CNTNAP5: variants seen among roughly 807,000 people sequenced by gnomAD.
CNTNAP5 encodes the protein contactin associated protein family member 5.
A neutral mutation model predicts 150.2 loss-of-function variants in CNTNAP5; 72 were observed. The observed-to-expected ratio is 0.48, with a 90% confidence interval of 0.40 to 0.58. CNTNAP5 has a LOEUF of 0.58. Ranked by LOEUF, CNTNAP5 falls within the 20% of genes least tolerant of loss-of-function variation. The pLI is 0.00. For synonymous variants in CNTNAP5, 672 were observed against 619.8 expected, an observed-to-expected ratio of 1.08 and a Z score of -1.25; for missense variants, 1,636 against 1,626.2, an observed-to-expected ratio of 1.01 and a Z score of -0.10.
chr2:124,564,197 G>T (rs1182133761), intron 11 of CNTNAP5, among the ~76,000 whole-genome samples: 2 of 152,142 alleles, frequency 1.3e-5, no homozygotes, highest in African/African-American at 4.8e-5. Context: ...TGGAAAATTG[G>T]AATTTTCAAA....
In CNTNAP5 at chr2:124,914,116, T is replaced by C; in HGVS notation, c.3752T>C (p.Ile1251Thr). Residue 1251 changes from isoleucine to threonine, a missense_variant, in exon 24 of 24, where the codon ATC becomes ACC. Transcript: ENST00000682447. Reference protein sequence around the residue: ...IGGVIAVVIFIIFCIIGIMTR... With the variant: ...IGGVIAVVIFTIFCIIGIMTR... ...GGGGTGATAGCAGTGGTGATATTCA[T>C]CATCTTCTGTATCATCGGCATCATG... The C allele has an allele frequency of 6.2e-7, 1 of 1,612,222 alleles. No homozygotes were observed. Among genetic ancestry groups the C allele is most frequent in the Non-Finnish European group, 8.5e-7 (1 of 1,178,758 alleles).
intron 3 of CNTNAP5, among the ~76,000 whole-genome samples, chr2:124,270,706 T>C (rs1449285139): frequency 2.0e-5 from 3 of 152,132 alleles, no homozygotes; most frequent in Non-Finnish European, 4.4e-5. Flanking sequence ...CGTGCATGTG[T>C]GTGTGTGTGT....
intron 3 of CNTNAP5, among the ~76,000 whole-genome samples, chr2:124,249,224 A>C (rs1687107736): frequency 6.6e-6 from 1 of 152,134 alleles, no homozygotes; most frequent in Non-Finnish European, 1.5e-5. Context: ...AGAAAATAAA[A>C]ATGTTTTACC....
At chr2:124,417,084 C>T (rs1691937907) in intron 3 of CNTNAP5, among the ~76,000 whole-genome samples, 1 of 151,600 alleles carries the variant, frequency 6.6e-6, no homozygotes, top group Non-Finnish European at 1.5e-5. Context: ...ATTACAGGCA[C>T]ACACCACCAT....
rs377071120 is a variant in CNTNAP5 at position 124,470,103 on chromosome 2, G to A, written c.919-4636G>A. On this transcript the variant is annotated intron_variant, in intron 6 of 23. Transcript: ENST00000682447. ...TGGGTATATACCCAGTAATTAAATT[G>A]CTGATTCAAAGACCCATCTGCCTCT... is the stretch of plus-strand genomic sequence containing the variant. Among the ~76,000 whole-genome samples the A allele has an allele frequency of 2.6e-5, 4 of 152,198 alleles. No homozygotes were observed. The East Asian group carries it at 7.7e-4, about 29-fold the overall frequency.
chr2:124,577,647 T>G (rs753626496), intron 11 of CNTNAP5, among the ~76,000 whole-genome samples: 54 of 152,212 alleles, frequency 3.5e-4, no homozygotes, highest in Non-Finnish European at 5.7e-4. Flanking sequence ...AAGAAAATAA[T>G]GCAAGATTGT....
At chr2:124,881,024 G>A (rs976493975) in intron 21 of CNTNAP5, among the ~76,000 whole-genome samples, 2 of 152,076 alleles carry the variant, frequency 1.3e-5, no homozygotes, top group African/African-American at 4.8e-5. Context: ...CCATCTGAGA[G>A]GGTTTCATAC....
In CNTNAP5 at chr2:124,915,094, G is replaced by A. The variant is rs938141121; in HGVS notation, c.*806G>A. 5.5e-5 allele frequency: 9 copies of A among 163,054 alleles called. No homozygotes were observed. Among genetic ancestry groups the A allele is most frequent in the Non-Finnish European group, 1.0e-4 (7 of 67,954 alleles). The allele number at this position is 163,054 out of a possible 1,614,324, so 10.1% of individuals were successfully genotyped here. A position where few individuals can be genotyped will look rare whatever the true frequency, so the allele number is the denominator to read the frequency against. The stretch of plus-strand genomic sequence containing the variant: ...CAAAATGCCTCCTCCAATTTTGTAA[G>A]AATGCTAGCTAGGTATTCCTGGGAT... On this transcript the variant is annotated 3_prime_UTR_variant, in exon 24 of 24. Transcript: ENST00000682447.
At chr2:124,239,290 C>A (rs1196111786) in intron 2 of CNTNAP5, among the ~76,000 whole-genome samples, 1 of 151,856 alleles carries the variant, frequency 6.6e-6, no homozygotes, top group Admixed American at 6.6e-5. Context: ...TTCCTTGTTT[C>A]CATTCTTCAT....
At chr2:124,342,839 T>TA (rs139315224) in intron 3 of CNTNAP5, among the ~76,000 whole-genome samples, 21,491 of 152,172 alleles carry the variant, frequency 0.14, 1,518 homozygotes, top group East Asian at 0.18. Context: ...CAGAAAGTTG[T>TA]AAAAAATCAT....
chr2:124,821,561 A>G (rs1049314271), intron 19 of CNTNAP5, among the ~76,000 whole-genome samples: 4 of 152,224 alleles, frequency 2.6e-5, no homozygotes, highest in African/African-American at 9.6e-5. Flanking sequence ...TTTAAGGTCC[A>G]TCTCCAGAGT....
intron 13 of CNTNAP5, among the ~76,000 whole-genome samples, chr2:124,688,138 A>C (rs1029491865): frequency 1.3e-5 from 2 of 152,090 alleles, no homozygotes; most frequent in African/African-American, 4.8e-5. Context: ...CAAATTTCAT[A>C]CTATAACTTA....
intron 6 of CNTNAP5, among the ~76,000 whole-genome samples, chr2:124,454,574 C>T (rs1693069127): frequency 1.3e-5 from 2 of 152,084 alleles, no homozygotes; most frequent in African/African-American, 4.8e-5. Context: ...TAACATTCCA[C>T]CCAACAACCA....
intron 3 of CNTNAP5, among the ~76,000 whole-genome samples, chr2:124,251,371 A>AT (rs547240945): frequency 2.9e-4 from 43 of 149,790 alleles, no homozygotes; most frequent in East Asian, 1.6e-3. Context: ...ACTGTGGGTG[A>AT]TTTTTTTTTC....
At chr2:124,636,945 T>A (rs1165032252) in intron 12 of CNTNAP5, among the ~76,000 whole-genome samples, 6 of 152,174 alleles carry the variant, frequency 3.9e-5, no homozygotes, top group Admixed American at 2.0e-4. Flanking sequence ...TTTAAAAAAA[T>A]TTTTACGGAA....
At chr2:124,650,188 A>G (rs1051757885) in intron 13 of CNTNAP5, among the ~76,000 whole-genome samples, 1 of 152,206 alleles carries the variant, frequency 6.6e-6, no homozygotes, top group Non-Finnish European at 1.5e-5. Flanking sequence ...AAAGGAGAAC[A>G]ATGGGTATGT....
At chr2:124,749,671 C>T (rs1680682993) in intron 14 of CNTNAP5, among the ~76,000 whole-genome samples, 1 of 152,174 alleles carries the variant, frequency 6.6e-6, no homozygotes, top group African/African-American at 2.4e-5. Context: ...GCCTCGACCT[C>T]CCAAAGTGCT....
intron 16 of CNTNAP5, among the ~76,000 whole-genome samples, chr2:124,770,572 G>A (rs1333280368): frequency 6.6e-6 from 1 of 152,198 alleles, no homozygotes; most frequent in Non-Finnish European, 1.5e-5. Flanking sequence ...TCATCTCTCA[G>A]TTAAGTGTTT....
At chr2:124,180,255 T>A (rs1685178632) in intron 1 of CNTNAP5, among the ~76,000 whole-genome samples, 1 of 152,156 alleles carries the variant, frequency 6.6e-6, no homozygotes, top group South Asian at 2.1e-4. Flanking sequence ...AAGCAAAGAT[T>A]TTAGGCCAAC....
Sources: allele counts gnomAD v4.1 joint callset (sites outside exome capture counted in the v4.1 genomes callset), GRCh38; gene constraint gnomAD v4.1.1; transcripts MANE v1.5; gene names NCBI Gene and HGNC (gene_info 2026-07-23, HGNC 2026-07-21).